The following RBFOX1 variants were observed in gnomAD, a reference collection of about 807,000 sequenced individuals.
The protein encoded by RBFOX1 is RNA binding protein fox-1 homolog 1.
RBFOX1 carries 8 observed loss-of-function variants against 57.7 expected under a neutral mutation model. The ratio of observed to expected loss-of-function variants is 0.14; its 90% CI spans 0.08 to 0.25. The LOEUF (loss-of-function observed/expected upper bound fraction) is 0.25, where lower values mean the gene tolerates loss of function less well. Ranked by LOEUF, RBFOX1 falls within the 10% of genes least tolerant of loss-of-function variation. The probability of loss-of-function intolerance (pLI) is 1.00; values close to 1 mark genes in which losing one functional copy is unlikely to be tolerated. For synonymous variants in RBFOX1, 326 were observed against 222.4 expected (o/e 1.47, Z -4.15); for missense variants, 611 against 548.5 (o/e 1.11, Z -1.14).
At chr16:6,712,558 C>T (rs1267686882) in intron 3 of RBFOX1, among the ~76,000 whole-genome samples, 1 of 152,200 alleles carries the variant, frequency 6.6e-6, no homozygotes, top group Non-Finnish European at 1.5e-5. Context: ...TGAAACTCAA[C>T]ACCCAAGCTT....
intron 2 of RBFOX1, among the ~76,000 whole-genome samples, chr16:6,416,724 C>T (rs1012255583): frequency 1.6e-4 from 25 of 152,148 alleles, no homozygotes; most frequent in East Asian, 5.8e-4. Flanking sequence ...GTCAGCACTG[C>T]GGCCTGTACC....
chr16:5,853,821 T>G (rs1204175318), intron 3 of RBFOX1, among the ~76,000 whole-genome samples: 2 of 152,118 alleles, frequency 1.3e-5, no homozygotes, highest in African/African-American at 4.8e-5. Flanking sequence ...AGCGGTTCAA[T>G]CATAACTCAC....
At chr16:7,268,400 T>C (rs1193056197) in intron 4 of RBFOX1, among the ~76,000 whole-genome samples, 1 of 152,120 alleles carries the variant, frequency 6.6e-6, no homozygotes, top group East Asian at 1.9e-4. Flanking sequence ...CTCTTACTGG[T>C]TTTCGATGCC....
intron 3 of RBFOX1, among the ~76,000 whole-genome samples, chr16:6,756,284 A>G (rs1185685808): frequency 6.6e-6 from 1 of 152,212 alleles, no homozygotes; most frequent in Non-Finnish European, 1.5e-5. Context: ...TAGAAGAGTG[A>G]AACAAGACCC....
chr16:6,664,153 G>C (rs1429216885), intron 3 of RBFOX1, among the ~76,000 whole-genome samples: 1 of 152,224 alleles, frequency 6.6e-6, no homozygotes, highest in East Asian at 1.9e-4. Context: ...GTTCCCTTCT[G>C]GTCCAGCCAT....
intron 4 of RBFOX1, among the ~76,000 whole-genome samples, chr16:5,955,070 C>G (rs1015233407): frequency 7.9e-6 from 1 of 126,948 alleles, no homozygotes; most frequent in Non-Finnish European, 1.6e-5. Context: ...CACTTGAGGT[C>G]AGGAGTTCAA....
At chr16:6,072,795 A>T (rs1026497812) in intron 1 of RBFOX1, among the ~76,000 whole-genome samples, 2 of 152,078 alleles carry the variant, frequency 1.3e-5, no homozygotes, top group Non-Finnish European at 2.9e-5. Flanking sequence ...TTAAGATCTC[A>T]TAGTAAATGT....
intron 2 of RBFOX1, among the ~76,000 whole-genome samples, chr16:6,331,774 A>C (rs536354322): frequency 1.7e-4 from 25 of 150,994 alleles, no homozygotes; most frequent in African/African-American, 5.6e-4. Context: ...CTTTTTTTAA[A>C]AAAAAAAATT....
intron 2 of RBFOX1, among the ~76,000 whole-genome samples, chr16:5,531,864 C>T (rs1021952185): frequency 5.4e-5 from 8 of 148,232 alleles, no homozygotes; most frequent in African/African-American, 2.0e-4. Context: ...TGCAGTGGTG[C>T]GATTACAGCT....
At chr16:7,495,277 A>G (rs1172565265) in intron 4 of RBFOX1, among the ~76,000 whole-genome samples, 2 of 152,228 alleles carry the variant, frequency 1.3e-5, no homozygotes, top group African/African-American at 4.8e-5. Flanking sequence ...AGTGATTAAC[A>G]TACTTGTGCA....
intron 3 of RBFOX1, among the ~76,000 whole-genome samples, chr16:6,874,509 TAAAAAAAAA>T (rs57494867): frequency 2.8e-5 from 2 of 71,082 alleles, no homozygotes; most frequent in Admixed American, 2.0e-4. Flanking sequence ...AGACTCCATC[TAAAAAAAAA>T]AAAAAAAAAA....
At position 7,545,035 on chromosome 16, in the gene RBFOX1, T is replaced by C. The variant is rs139657044; in HGVS notation, c.270+26646T>C. ...GACTAAGCCGAGCAGTACAGTGAAA[T>C]TGCATCAAACAGTGTCTACTAAGAG... On this transcript the variant is annotated intron_variant, in intron 5 of 15. Coordinates refer to ENST00000550418, the MANE Select transcript of RBFOX1 (RefSeq NM_018723.4). 7.7e-4 allele frequency among the ~76,000 whole-genome samples: 118 copies of C among 152,300 alleles called. 1 individual carries two copies. The highest frequency in any genetic ancestry group is 2.7e-3 in the African/African-American group (113 of 41,542).
At chr16:6,478,381 C>A (rs866674137) in intron 2 of RBFOX1, among the ~76,000 whole-genome samples, 3 of 120,582 alleles carry the variant, frequency 2.5e-5, no homozygotes, top group Non-Finnish European at 4.9e-5. Context: ...TGCCACTACA[C>A]CCAGCTAATA....
chr16:5,249,986 G>A (rs1220948764), intron 1 of RBFOX1, among the ~76,000 whole-genome samples: 1 of 151,608 alleles, frequency 6.6e-6, no homozygotes, highest in Admixed American at 6.6e-5. Flanking sequence ...GCAGATTGCA[G>A]TGAGGAGGAG....
intron 2 of RBFOX1, among the ~76,000 whole-genome samples, chr16:6,345,957 A>C (rs534162753): frequency 6.6e-6 from 1 of 152,172 alleles, no homozygotes; most frequent in Non-Finnish European, 1.5e-5. Context: ...AGGAAGACTC[A>C]AAGCGGGGAG....
At chr16:6,244,144 C>T (rs1285197643) in intron 1 of RBFOX1, among the ~76,000 whole-genome samples, 1 of 151,946 alleles carries the variant, frequency 6.6e-6, no homozygotes, top group East Asian at 1.9e-4. Flanking sequence ...TACAGTCTAT[C>T]ACTCCATTAT....
intron 2 of RBFOX1, among the ~76,000 whole-genome samples, chr16:6,396,444 G>C (rs2152943911): frequency 6.6e-6 from 1 of 152,272 alleles, no homozygotes; most frequent in South Asian, 2.1e-4. Context: ...AGATAGACTA[G>C]GAAGGAAGAT....
chr16:5,992,173 G>A (rs1344228226), intron 4 of RBFOX1, among the ~76,000 whole-genome samples: 1 of 151,940 alleles, frequency 6.6e-6, no homozygotes, highest in African/African-American at 2.4e-5. Flanking sequence ...GAAAAAAAAA[G>A]AGAAAAGAAG....
chr16:6,328,418 A>C (rs909555701), intron 2 of RBFOX1, among the ~76,000 whole-genome samples: 1 of 152,146 alleles, frequency 6.6e-6, no homozygotes, highest in Non-Finnish European at 1.5e-5. Flanking sequence ...TGTTCCCCCC[A>C]AAAACCGATG....
Sources: gnomAD v4.1 joint callset for allele counts (sites outside exome capture counted in the v4.1 genomes callset) on GRCh38, gnomAD v4.1.1 for gene constraint, MANE v1.5 for transcripts, NCBI Gene and HGNC (gene_info 2026-07-23, HGNC 2026-07-21) for gene names.